Variants in RTN4 observed in about 807,000 individuals in gnomAD.
The protein encoded by RTN4 is reticulon 4, also known as reticulon-4.
In RTN4, 32 loss-of-function variants were observed where a neutral mutation model predicts 90.4. The ratio of observed to expected loss-of-function variants is 0.35; its 90% CI spans 0.27 to 0.48. The LOEUF is 0.48. Among genes scored for constraint, RTN4 ranks in the 20% least tolerant of loss-of-function variants. RTN4 has a pLI of 0.99. For synonymous variants in RTN4, 629 were observed against 552.5 expected (o/e 1.14, Z -1.94); for missense variants, 1,706 against 1,430.2 (o/e 1.19, Z -3.11).
chr2:54,982,484 A>G, intron 5 of RTN4, 31 bp downstream of exon 5: 2 of 1,591,944 alleles, frequency 1.3e-6, no homozygotes, highest in Non-Finnish European at 1.7e-6. Flanking sequence ...AATTCTGGGT[A>G]TATCAAAAAT....
intron 2 of RTN4, among the ~76,000 whole-genome samples, chr2:55,057,324 G>A (rs1668207289): frequency 6.7e-6 from 1 of 149,280 alleles, no homozygotes; most frequent in African/African-American, 2.6e-5. Flanking sequence ...AGTAGGATTC[G>A]GAGGCATAGA....
At chr2:55,041,277 G>A (rs559605210) in intron 1 of RTN4, among the ~76,000 whole-genome samples, 2 of 151,840 alleles carry the variant, frequency 1.3e-5, no homozygotes, top group South Asian at 2.1e-4. Context: ...TAAAAACCAC[G>A]TGTTTATGGA....
At chr2:54,992,052 C>T (rs1443606551) in intron 3 of RTN4, among the ~76,000 whole-genome samples, 2 of 152,152 alleles carry the variant, frequency 1.3e-5, no homozygotes, top group African/African-American at 4.8e-5. Context: ...ACCTAATGAG[C>T]CACTATGCAA....
chr2:55,001,834 C>A (rs1679870598), intron 3 of RTN4, among the ~76,000 whole-genome samples: 1 of 152,098 alleles, frequency 6.6e-6, no homozygotes, highest in South Asian at 2.1e-4. Flanking sequence ...TGAAATTCAA[C>A]CATAAAGCAA....
intron 1 of RTN4, among the ~76,000 whole-genome samples, chr2:55,105,230 T>G (rs1393411063): frequency 7.0e-6 from 1 of 143,746 alleles, no homozygotes; most frequent in African/African-American, 2.6e-5. Context: ...TATTGAAGTT[T>G]TTTTTTTTTT....
intron 1 of RTN4, among the ~76,000 whole-genome samples, chr2:55,107,154 G>A (rs1200149693): frequency 6.6e-6 from 1 of 151,352 alleles, no homozygotes; most frequent in African/African-American, 2.4e-5. Flanking sequence ...GATATGAAGT[G>A]CCCAGATTCT....
At chr2:54,993,140 T>G (rs1339838405) in intron 3 of RTN4, among the ~76,000 whole-genome samples, 3 of 151,786 alleles carry the variant, frequency 2.0e-5, no homozygotes, top group Non-Finnish European at 4.4e-5. Context: ...GTATATCTAC[T>G]AAGCAGTGTT....
At chr2:55,110,310 C>CAA (rs11289091) in intron 1 of RTN4, among the ~76,000 whole-genome samples, 8 of 96,218 alleles carry the variant, frequency 8.3e-5, no homozygotes, top group African/African-American at 1.2e-4. Flanking sequence ...GACCCTGTCT[C>CAA]AAAAAAAAAA....
intron 3 of RTN4, among the ~76,000 whole-genome samples, 200 bp downstream of exon 3, chr2:55,024,886 G>C (rs1401455811): frequency 2.0e-5 from 3 of 152,174 alleles, no homozygotes; most frequent in Non-Finnish European, 2.9e-5. Flanking sequence ...GTGTAACTGT[G>C]TGGAAAAGTT....
chr2:55,102,574 C>T (rs552622164), intron 1 of RTN4, among the ~76,000 whole-genome samples: 2 of 152,060 alleles, frequency 1.3e-5, no homozygotes, highest in African/African-American at 4.8e-5. Flanking sequence ...CCTTAGTTGG[C>T]AGACCTCACA....
chr2:55,069,873 A>C (rs1668456131), intron 2 of RTN4, among the ~76,000 whole-genome samples: 1 of 152,244 alleles, frequency 6.6e-6, no homozygotes, highest in Admixed American at 6.5e-5. Flanking sequence ...CAGGTACATG[A>C]ATTAAGCCAA....
chr2:55,077,586 T>A (rs990382558), intron 2 of RTN4, among the ~76,000 whole-genome samples: 1 of 152,084 alleles, frequency 6.6e-6, no homozygotes, highest in Non-Finnish European at 1.5e-5. Flanking sequence ...AAAGTAGATC[T>A]ACCATTTGAT....
intron 1 of RTN4, among the ~76,000 whole-genome samples, chr2:55,100,229 C>T (rs956460743): frequency 6.6e-6 from 1 of 152,060 alleles, no homozygotes; most frequent in African/African-American, 2.4e-5. Context: ...AGGAGTGACC[C>T]CACTACGGAG....
intron 2 of RTN4, among the ~76,000 whole-genome samples, chr2:55,076,275 C>T (rs1037217557): frequency 1.1e-4 from 17 of 151,250 alleles, no homozygotes; most frequent in African/African-American, 3.6e-4. Context: ...GGGCTAAGGA[C>T]ATGAATAGGC....
intron 1 of RTN4, among the ~76,000 whole-genome samples, chr2:55,088,006 G>T (rs905487328): frequency 6.6e-6 from 1 of 152,218 alleles, no homozygotes; most frequent in African/African-American, 2.4e-5. Flanking sequence ...TGTGGTTGTG[G>T]AACCTTAGTG....
intron 3 of RTN4, among the ~76,000 whole-genome samples, chr2:55,012,225 G>GAA (rs1295187628): frequency 6.6e-6 from 1 of 152,050 alleles, no homozygotes; most frequent in East Asian, 1.9e-4. Context: ...AACAATTAAA[G>GAA]AAAAAAGTCT....
At chr2:55,090,343 T>C (rs1573511024) in intron 1 of RTN4, among the ~76,000 whole-genome samples, 1 of 152,340 alleles carries the variant, frequency 6.6e-6, no homozygotes, top group South Asian at 2.1e-4. Flanking sequence ...CTTCACACTA[T>C]TTCCAAACAC....
At position 55,025,445 on chromosome 2, in the gene RTN4, A is replaced by G. The variant is rs2104857968; in HGVS notation, c.2654T>C (p.Leu885Ser). The G allele has an allele frequency of 6.2e-7, 1 of 1,613,816 alleles. No individual in the cohort carries two copies. The highest frequency in any genetic ancestry group is 8.5e-7 in the Non-Finnish European group (1 of 1,179,836). Residue 885 changes from leucine to serine, a missense_variant, in exon 3 of 9, where the codon TTA (leucine) becomes TCA (serine). By Grantham distance (145) the Leu-to-Ser change is moderately radical. Transcript: ENST00000337526. ...TTCTAGGTCAGTATATTCCCTGGCT[A>G]ATTTAGAAAATGAATCAGTTTTAGA... Reference protein sequence around the residue: ...ISSKTDSFSKLAREYTDLEVS... With the variant: ...ISSKTDSFSKSAREYTDLEVS...
the RTN4 span, among the ~76,000 whole-genome samples, chr2:55,120,051 C>T: frequency 2.0e-5 from 3 of 152,208 alleles, no homozygotes; most frequent in East Asian, 1.9e-4. Flanking sequence ...CTGTGGGCTG[C>T]GTGAGGCCCA....
Sources: gnomAD v4.1 joint callset for allele counts (sites outside exome capture counted in the v4.1 genomes callset) on GRCh38, gnomAD v4.1.1 for gene constraint, MANE v1.5 for transcripts, NCBI Gene and HGNC (gene_info 2026-07-23, HGNC 2026-07-21) for gene names.